NRG3: variants seen among roughly 807,000 people sequenced by gnomAD.
NRG3 encodes neuregulin 3, also known as pro-neuregulin-3, membrane-bound isoform.
Under a neutral mutation model 66.9 loss-of-function variants are expected in NRG3, and 31 were observed. The observed-to-expected ratio is 0.46, with a 90% CI of 0.35 to 0.63. NRG3 has a LOEUF of 0.63. NRG3 is among the 20% of genes least tolerant of loss of function. The probability of loss-of-function intolerance (pLI) is 0.00; values close to 1 mark genes in which losing one functional copy is unlikely to be tolerated. For missense variants in NRG3, 910 were observed against 878.9 expected (o/e 1.04, Z -0.45); for synonymous variants, 393 against 359.4 (o/e 1.09, Z -1.06).
chr10:81,881,802 T>C (rs1056428207), intron 1 of NRG3, among the ~76,000 whole-genome samples: 5 of 152,090 alleles, frequency 3.3e-5, no homozygotes, highest in African/African-American at 1.2e-4. Context: ...CATCTTTGCT[T>C]TTCTTTTTTT....
In NRG3 at chr10:82,345,994, A is replaced by G. The variant is rs1162301212; in HGVS notation, c.824-12745A>G. On this transcript the variant is annotated intron_variant, in intron 1 of 8. Transcript: ENST00000372141. ...GACAATGCGGTTTTCTAGATATACA[A>G]TCATGTCATCTGCAAACAGGGACAA... is the stretch of plus-strand genomic sequence containing the variant. Among the ~76,000 whole-genome samples, 7 of 152,288 alleles carry G rather than the reference A, an allele frequency of 4.6e-5. No homozygotes were observed. In the East Asian group the frequency reaches 1.2e-3, roughly 25 times the overall value.
chr10:82,450,240 TG>T (rs758521812), intron 2 of NRG3, among the ~76,000 whole-genome samples: 2 of 152,186 alleles, frequency 1.3e-5, no homozygotes, highest in African/African-American at 2.4e-5. Context: ...CTTTGGGGAA[TG>T]CTGCTTTATA....
intron 1 of NRG3, among the ~76,000 whole-genome samples, chr10:82,199,434 T>C (rs538465651): frequency 2.2e-4 from 33 of 152,286 alleles, no homozygotes; most frequent in East Asian, 9.7e-4. Flanking sequence ...GTATTTAATA[T>C]AGTTCATGCT....
chr10:82,182,194 C>T (rs752054088), intron 1 of NRG3, among the ~76,000 whole-genome samples: 2 of 126,928 alleles, frequency 1.6e-5, no homozygotes, highest in Non-Finnish European at 3.4e-5. Flanking sequence ...TTTTAATCTA[C>T]TCTGCCACTC....
At chr10:82,136,210 T>A (rs2069334405) in intron 1 of NRG3, among the ~76,000 whole-genome samples, 1 of 152,102 alleles carries the variant, frequency 6.6e-6, no homozygotes. Context: ...ATGAGGTCAT[T>A]CTCCTCTGTG....
chr10:82,017,536 C>G (rs2061841625), intron 1 of NRG3, among the ~76,000 whole-genome samples: 1 of 152,134 alleles, frequency 6.6e-6, no homozygotes, highest in South Asian at 2.1e-4. Context: ...AATGGTTGAA[C>G]TAGTTTACAG....
chr10:81,986,283 C>T (rs949186091), intron 1 of NRG3, among the ~76,000 whole-genome samples: 6 of 151,620 alleles, frequency 4.0e-5, no homozygotes, highest in Non-Finnish European at 8.8e-5. Flanking sequence ...AATACTAGTA[C>T]CCTTAAAATT....
chr10:82,267,598 A>T (rs2078365694), intron 1 of NRG3, among the ~76,000 whole-genome samples: 2 of 152,216 alleles, frequency 1.3e-5, no homozygotes, highest in Non-Finnish European at 2.9e-5. Context: ...CATAGCTGAG[A>T]AAACTCACAG....
intron 1 of NRG3, among the ~76,000 whole-genome samples, chr10:82,268,249 A>G (rs1182078051): frequency 6.6e-6 from 1 of 152,094 alleles, no homozygotes; most frequent in South Asian, 2.1e-4. Context: ...CCTTTTTCAG[A>G]GGAGAAAACT....
chr10:82,475,355 G>T (rs923531096), intron 2 of NRG3, among the ~76,000 whole-genome samples: 2 of 151,966 alleles, frequency 1.3e-5, no homozygotes, highest in Admixed American at 6.5e-5. Flanking sequence ...ATAATCTAGG[G>T]GAAATGGCCA....
At chr10:82,555,242 G>T (rs182371923) in intron 2 of NRG3, among the ~76,000 whole-genome samples, 21 of 152,218 alleles carry the variant, frequency 1.4e-4, no homozygotes, top group Admixed American at 1.3e-3. Flanking sequence ...TGCAAATACA[G>T]ATTACTCATT....
intron 1 of NRG3, among the ~76,000 whole-genome samples, chr10:81,892,953 G>A (rs573147291): frequency 2.9e-4 from 44 of 152,180 alleles, no homozygotes; most frequent in South Asian, 1.2e-3. Context: ...CACCTACTCT[G>A]TAGCAACAAA....
chr10:81,919,227 C>G (rs1846014165), intron 1 of NRG3, among the ~76,000 whole-genome samples: 1 of 152,124 alleles, frequency 6.6e-6, no homozygotes, highest in South Asian at 2.1e-4. Context: ...GGCCCCAGGG[C>G]TGAAAAGAAG....
At chr10:82,428,942 A>C (rs2089617533) in intron 2 of NRG3, among the ~76,000 whole-genome samples, 1 of 151,964 alleles carries the variant, frequency 6.6e-6, no homozygotes, top group African/African-American at 2.4e-5. Flanking sequence ...CTGATACATT[A>C]AAAATTTATC....
chr10:82,466,659 T>C (rs1590227074), intron 2 of NRG3, among the ~76,000 whole-genome samples: 1 of 151,692 alleles, frequency 6.6e-6, no homozygotes, highest in South Asian at 2.1e-4. Context: ...GCAGGTGGGG[T>C]CAGCGACTCT....
intron 2 of NRG3, among the ~76,000 whole-genome samples, chr10:82,629,397 G>C (rs1057385802): frequency 7.2e-5 from 11 of 152,288 alleles, no homozygotes; most frequent in Non-Finnish European, 1.0e-4. Context: ...ATTATCTTCT[G>C]GAAACAATTT....
intron 1 of NRG3, among the ~76,000 whole-genome samples, chr10:81,995,130 T>A (rs959950187): frequency 1.3e-5 from 2 of 152,214 alleles, no homozygotes; most frequent in Non-Finnish European, 2.9e-5. Flanking sequence ...TGCTAATAAT[T>A]TAACTTAGTG....
intron 1 of NRG3, among the ~76,000 whole-genome samples, chr10:82,181,565 T>C (rs560823470): frequency 1.6e-4 from 25 of 152,022 alleles, no homozygotes; most frequent in African/African-American, 6.0e-4. Context: ...ATTAGTGAAC[T>C]TTCTAGGTTC....
At chr10:82,445,139 G>GT (rs10708276) in intron 2 of NRG3, among the ~76,000 whole-genome samples, 2,550 of 145,430 alleles carry the variant, frequency 0.018, 35 homozygotes, top group African/African-American at 0.042. Context: ...CCCCATGCCA[G>GT]TTTTTTTTTT....
Sources: allele counts gnomAD v4.1 joint callset (sites outside exome capture counted in the v4.1 genomes callset), GRCh38; gene constraint gnomAD v4.1.1; transcripts MANE v1.5; gene names NCBI Gene and HGNC (gene_info 2026-07-23, HGNC 2026-07-21).